Variants in CELF3 observed in about 807,000 individuals in gnomAD.
CELF3 encodes the protein CUGBP Elav-like family member 3.
CELF3 carries 26 observed loss-of-function variants against 59.6 expected under a neutral mutation model. The observed-to-expected ratio is 0.44, with a 90% CI of 0.32 to 0.61. CELF3 has a LOEUF of 0.61. Among genes scored for constraint, CELF3 ranks in the 20% least tolerant of loss-of-function variants. The probability of loss-of-function intolerance (pLI) is 0.06; values close to 1 mark genes in which losing one functional copy is unlikely to be tolerated. For missense variants in CELF3, 387 were observed against 627.2 expected (o/e 0.62, Z 4.09); for synonymous variants, 245 against 250.7 (o/e 0.98, Z 0.22).
intron 2 of CELF3, among the ~76,000 whole-genome samples, chr1:151,713,047 T>C (rs1463193062): frequency 6.6e-6 from 1 of 152,128 alleles, no homozygotes; most frequent in Non-Finnish European, 1.5e-5. Flanking sequence ...CTGCCCTGGG[T>C]CTGTTCCTTC....
chr1:151,706,167 G>A, intron 10 of CELF3, 57 bp downstream of exon 10: 1 of 1,610,518 alleles, frequency 6.2e-7, no homozygotes. Flanking sequence ...CGGGGTGACA[G>A]GGAGTCCCCA....
rs759062320 is a variant in CELF3, at chr1:151,707,650, TG to T, written c.631-3del. The T allele has an allele frequency of 3.1e-6, 5 of 1,604,950 alleles. No homozygotes were observed. Among genetic ancestry groups the T allele is most frequent in the East Asian group, 2.2e-5 (1 of 44,658 alleles). ...CAGGGCCGCCTGCTGCTGCATCAGC[TG>T]GGGGGAGGGGAGAGGAGAGTGGGGC... On this transcript the variant is annotated splice_region_variant and splice_polypyrimidine_tract_variant and intron_variant, in intron 6 of 12. Transcript: ENST00000290583.
intron 2 of CELF3, chr1:151,711,119 C>T: frequency 3.2e-6 from 1 of 312,676 alleles, no homozygotes; most frequent in South Asian, 2.8e-5. Context: ...CCTGCCCTGC[C>T]ACTTACTAGC....
intron 5 of CELF3, 36 bp from the exon 6 acceptor site, chr1:151,707,971 G>A (rs1235503168): frequency 1.3e-6 from 2 of 1,579,836 alleles, no homozygotes; most frequent in African/African-American, 1.3e-5. Flanking sequence ...AGAGGTGCAG[G>A]GTCAGGGTCT....
intron 1 of CELF3, chr1:151,715,589 T>C (rs1673410649): frequency 1.1e-5 from 15 of 1,408,786 alleles, no homozygotes; most frequent in Non-Finnish European, 1.4e-5. Context: ...CTCCATTCTT[T>C]CTTGAGTTCA....
chr1:151,702,631 A>G lies in CELF3; in HGVS notation c.*828T>C, dbSNP rs1672162370. Reference sequence around the variant, plus strand: ...CCCCACACCCCTCCTCCCAATACCCAATTACCCCCCAAAGCAAAGGGAGAA... The same window carrying G: ...CCCCACACCCCTCCTCCCAATACCCGATTACCCCCCAAAGCAAAGGGAGAA... On this transcript the variant is annotated 3_prime_UTR_variant, in exon 13 of 13. Transcript: ENST00000290583. 7.1e-6 allele frequency: 1 copy of G among 141,280 alleles called. No homozygotes were observed. The highest frequency in any genetic ancestry group is 2.7e-5 in the African/African-American group (1 of 37,244). The allele number at this position is 141,280 out of a possible 1,614,324, so 8.8% of individuals were successfully genotyped here.
Position 151,706,744 on chromosome 1 carries a change from G to C in CELF3, c.923-10C>G, listed in dbSNP as rs907600376. On this transcript the variant is annotated splice_polypyrimidine_tract_variant and intron_variant, in intron 8 of 12. Transcript: ENST00000290583. The stretch of plus-strand genomic sequence containing the variant: ...GCCGCGGGGCTCTGGGCTGGGGAGA[G>C]CAGCACAGACTATGAGCGTGGACCT... 6.5e-7 allele frequency: 1 copy of C among 1,543,830 alleles called. No individual in the cohort carries two copies.
chr1:151,712,542 G>C (rs758332960), intron 2 of CELF3, among the ~76,000 whole-genome samples: 1 of 152,182 alleles, frequency 6.6e-6, no homozygotes, highest in Admixed American at 6.5e-5. Flanking sequence ...AGGGTGAAGG[G>C]GGAAGAGCTG....
Position 151,709,463 on chromosome 1 carries a change from A to G in CELF3, c.278-115T>C, listed in dbSNP as rs1311375645. 3.5e-6 allele frequency: 5 copies of G among 1,439,342 alleles called. No homozygotes were observed. In the South Asian group the frequency reaches 4.9e-5, roughly 14 times the overall value. 89.2% of individuals were successfully genotyped at this position (1,439,342 alleles called of 1,614,324 possible). ...ACTACTTCTGCTACCCTTAGGGTCC[A>G]ATGGCTGTAGGGGCTGATGGTTGGG... On this transcript the variant is annotated intron_variant, in intron 3 of 12. Coordinates refer to ENST00000290583, the MANE Select transcript of CELF3 (RefSeq NM_007185.7). The surrounding 1 kb of genome is among the most constrained non-coding windows in gnomAD (Gnocchi z 4.9).
chr1:151,710,600 C>T, intron 2 of CELF3: 1 of 456,164 alleles, frequency 2.2e-6, no homozygotes, highest in Non-Finnish European at 4.4e-6. Context: ...AGGGGCCATC[C>T]CATCCCTTCT....
rs1481602280 is a variant in CELF3, at chr1:151,705,100, C to T, written c.1339G>A (p.Gly447Ser). 1.9e-6 allele frequency: 3 copies of T among 1,613,986 alleles called. No individual in the cohort carries two copies. Among genetic ancestry groups the T allele is most frequent in the Non-Finnish European group, 1.7e-6 (2 of 1,179,896 alleles). ...AGCTGGACTTTGAGGCGCTTCATGC[C>T]GATCTGGAAGCCATTCATGGCCTGG... The part of the protein sequence containing the change: ...AIQAMNGFQI[G>S]MKRLKVQLKR... Residue 447 changes from glycine (G) to serine (S), a missense_variant, in exon 12 of 13, where the codon GGC becomes AGC. By Grantham distance (56) the Gly-to-Ser change is moderately conservative. Transcript: ENST00000290583. This position sits in a 1 kb window ranked among gnomAD's most constrained non-coding sequence, Gnocchi z 5.1.
intron 12 of CELF3, among the ~76,000 whole-genome samples, chr1:151,704,481 C>G (rs1051836102): frequency 2.0e-5 from 3 of 152,136 alleles, no homozygotes; most frequent in African/African-American, 7.2e-5. Flanking sequence ...TGGGCTCCCC[C>G]AGTCTGTCCT....
In CELF3 at chr1:151,714,769, A is replaced by G. The variant is rs1673327679; in HGVS notation, c.146-93T>C. ...TCCCTTCCAAAGACTGACGACTGGGAAGCTTTCCCTTCTTGTCATCTTCTG... is the reference window on the plus strand; with the variant it reads ...TCCCTTCCAAAGACTGACGACTGGGGAGCTTTCCCTTCTTGTCATCTTCTG... On this transcript the variant is annotated intron_variant, in intron 1 of 12. Transcript: ENST00000290583. 3 of 899,026 alleles carry G rather than the reference A, an allele frequency of 3.3e-6. No individual in the cohort carries two copies. In the East Asian group the frequency reaches 7.9e-5, roughly 24 times the overall value. The allele number at this position is 899,026 out of a possible 1,614,324, so 55.7% of individuals were successfully genotyped here. A position where few individuals can be genotyped will look rare whatever the true frequency, so the allele number is the denominator to read the frequency against.
chr1:151,708,862 T>G, intron 5 of CELF3, 136 bp downstream of exon 5: 1 of 747,734 alleles, frequency 1.3e-6, no homozygotes, highest in Non-Finnish European at 2.2e-6. Flanking sequence ...CCCTAAGCAG[T>G]TTGGTTCTTC....
At chr1:151,710,115 C>A in intron 2 of CELF3, 1 of 354,450 alleles carries the variant, frequency 2.8e-6, no homozygotes, top group Non-Finnish European at 5.3e-6. Context: ...TGAGAGAGAG[C>A]CCGACCAAGG....
chr1:151,707,416 C>T, intron 7 of CELF3, 91 bp downstream of exon 7: 1 of 1,564,580 alleles, frequency 6.4e-7, no homozygotes, highest in African/African-American at 1.4e-5. Context: ...TGAGTCCCTC[C>T]CAGACCCCGA....
rs937974181 is a variant in CELF3 at position 151,701,424 on chromosome 1, C to G, written c.*2035G>C. On this transcript the variant is annotated 3_prime_UTR_variant, in exon 13 of 13. Coordinates refer to ENST00000290583, the MANE Select transcript of CELF3 (RefSeq NM_007185.7). ...AGGGCTTATGCAGTCCACCCTCTACCTGAAGGACTCACTCCTAAGCCTGCT... is the reference window on the plus strand; with the variant it reads ...AGGGCTTATGCAGTCCACCCTCTACGTGAAGGACTCACTCCTAAGCCTGCT... Among the ~76,000 whole-genome samples the G allele has an allele frequency of 7.9e-5, 12 of 152,138 alleles. No homozygotes were observed. The highest frequency in any genetic ancestry group is 4.4e-5 in the Non-Finnish European group (3 of 68,024).
chr1:151,707,655 G>A lies in CELF3; in HGVS notation c.631-7C>T, dbSNP rs1249854222. On this transcript the variant is annotated splice_polypyrimidine_tract_variant and splice_region_variant and intron_variant, in intron 6 of 12. Coordinates refer to ENST00000290583, the MANE Select transcript of CELF3 (RefSeq NM_007185.7). ...CCGCCTGCTGCTGCATCAGCTGGGG[G>A]GAGGGGAGAGGAGAGTGGGGCAGGC... 1 of 1,604,048 alleles carries A rather than the reference G, an allele frequency of 6.2e-7. No individual in the cohort carries two copies. Among genetic ancestry groups the A allele is most frequent in the Non-Finnish European group, 8.5e-7 (1 of 1,177,062 alleles).
Position 151,716,116 on chromosome 1 carries a change from G to A in CELF3, c.-96C>T. On this transcript the variant is annotated 5_prime_UTR_variant, in exon 1 of 13. Coordinates refer to ENST00000290583, the MANE Select transcript of CELF3 (RefSeq NM_007185.7). ...AGGAGATAAGTGGTGGGGCCCGGGG[G>A]CCCAGCTGGGGCTGGCTTTCCCTTT... 7.5e-7 allele frequency: 1 copy of A among 1,325,184 alleles called. No individual in the cohort carries two copies. The highest frequency in any genetic ancestry group is 1.0e-6 in the Non-Finnish European group (1 of 985,308). 82.1% of individuals were successfully genotyped at this position (1,325,184 alleles called of 1,614,324 possible).
Sources: allele counts gnomAD v4.1 joint callset (sites outside exome capture counted in the v4.1 genomes callset), GRCh38; gene constraint gnomAD v4.1.1; non-coding constraint Gnocchi (gnomAD v3.1); transcripts MANE v1.5; gene names NCBI Gene and HGNC (gene_info 2026-07-23, HGNC 2026-07-21).